DUSP16: variants seen among roughly 807,000 people sequenced by gnomAD.
DUSP16 encodes the protein dual specificity protein phosphatase 16.
A neutral mutation model predicts 58.3 loss-of-function variants in DUSP16; 21 were observed. The ratio of observed to expected loss-of-function variants is 0.36; its 90% CI spans 0.26 to 0.52. The LOEUF (loss-of-function observed/expected upper bound fraction) is 0.52, where lower values mean the gene tolerates loss of function less well. Ranked by LOEUF, DUSP16 falls within the 20% of genes least tolerant of loss-of-function variation. DUSP16 has a pLI of 0.94. For synonymous variants in DUSP16, 320 were observed against 323.8 expected (o/e 0.99, Z 0.12); for missense variants, 726 against 819.0 (o/e 0.89, Z 1.39).
chr12:12,480,454 A>C (rs961693096), intron 5 of DUSP16, 108 bp from the exon 6 acceptor site: 5 of 1,314,606 alleles, frequency 3.8e-6, no homozygotes, highest in Non-Finnish European at 5.2e-6. Flanking sequence ...CCTCTACGCA[A>C]ATCTCATCTG....
chr12:12,477,670 T>G lies in DUSP16; in HGVS notation c.1161A>C (p.Ala387=), dbSNP rs1422031268. ...GCTTATTGCTGTCTTCCAGCCTGTCTGCGGACAGGTGCAGCCCACTGAGCG... is the reference window on the plus strand; with the variant it reads ...GCTTATTGCTGTCTTCCAGCCTGTCGGCGGACAGGTGCAGCCCACTGAGCG... ...VQALSGLHLS[A]DRLEDSNKLK... is the part of the protein sequence containing the mutation. The change falls in exon 7 of 7, where the codon GCA becomes GCC. Residue 387 remains alanine, a synonymous_variant. Transcript: ENST00000298573. This position sits in a 1 kb window ranked among gnomAD's most constrained non-coding sequence, Gnocchi z 4.1. 1 of 1,614,080 alleles carries G rather than the reference T, an allele frequency of 6.2e-7. No homozygotes were observed. The highest frequency in any genetic ancestry group is 1.1e-5 in the South Asian group (1 of 91,078).
At chr12:12,544,676 G>C (rs945474863) in intron 1 of DUSP16, among the ~76,000 whole-genome samples, 1 of 152,138 alleles carries the variant, frequency 6.6e-6, no homozygotes, top group Non-Finnish European at 1.5e-5. Context: ...AGTGTGTAGT[G>C]GTAATTCACT....
At chr12:12,507,343 C>A (rs1944011771) in intron 3 of DUSP16, among the ~76,000 whole-genome samples, 1 of 152,080 alleles carries the variant, frequency 6.6e-6, no homozygotes, top group Non-Finnish European at 1.5e-5. Context: ...TCCACTCATG[C>A]CTTCATTTAA....
At chr12:12,488,285 C>G (rs992710528) in intron 4 of DUSP16, among the ~76,000 whole-genome samples, 1 of 152,198 alleles carries the variant, frequency 6.6e-6, no homozygotes, top group African/African-American at 2.4e-5. Context: ...TGAACTCTTT[C>G]CCACTCATGC....
intron 1 of DUSP16, among the ~76,000 whole-genome samples, chr12:12,525,545 T>C (rs577220576): frequency 6.6e-6 from 1 of 152,084 alleles, no homozygotes; most frequent in East Asian, 2.0e-4. Flanking sequence ...ATTACAGGTG[T>C]GAGCCACTGC....
At chr12:12,544,895 C>T (rs949634423) in intron 1 of DUSP16, among the ~76,000 whole-genome samples, 2 of 152,118 alleles carry the variant, frequency 1.3e-5, no homozygotes, top group Admixed American at 1.3e-4. Flanking sequence ...TCTTTCTTTC[C>T]ACATTGCTGT....
At chr12:12,525,519 C>G (rs186927268) in intron 1 of DUSP16, among the ~76,000 whole-genome samples, 1 of 151,996 alleles carries the variant, frequency 6.6e-6, no homozygotes, top group Non-Finnish European at 1.5e-5. Context: ...CTGCCTTGGC[C>G]TCCCAAAGTG....
At chr12:12,544,081 T>C (rs1944604320) in intron 1 of DUSP16, among the ~76,000 whole-genome samples, 1 of 152,090 alleles carries the variant, frequency 6.6e-6, no homozygotes, top group Non-Finnish European at 1.5e-5. Flanking sequence ...AACACACTCA[T>C]GTAATCACCA....
intron 1 of DUSP16, among the ~76,000 whole-genome samples, chr12:12,551,698 T>C (rs1452353686): frequency 1.3e-5 from 2 of 151,958 alleles, no homozygotes; most frequent in Non-Finnish European, 2.9e-5. Context: ...AACCTTTTTT[T>C]TTTTTTTTTT....
At position 12,521,199 on chromosome 12, in the gene DUSP16, GTA is replaced by G; in HGVS notation, c.-103_-102del. 6.6e-7 allele frequency: 1 copy of G among 1,520,904 alleles called. No individual in the cohort carries two copies. The highest frequency in any genetic ancestry group is 8.8e-7 in the Non-Finnish European group (1 of 1,134,450). 94.2% of individuals were successfully genotyped at this position (1,520,904 alleles called of 1,614,324 possible). ...TCAGCCACTCCATTGTACTAAAAGTGTATGAGGTCAGGCTGGTGGTGACTGGC... is the reference window on the plus strand; with the variant it reads ...TCAGCCACTCCATTGTACTAAAAGTGTGAGGTCAGGCTGGTGGTGACTGGC... On this transcript the variant is annotated 5_prime_UTR_variant, in exon 2 of 7. The change creates a premature stop within an existing upstream ORF in the 5' untranslated region. Transcript: ENST00000298573.
At chr12:12,550,289 A>AT (rs200580667) in intron 1 of DUSP16, among the ~76,000 whole-genome samples, 10,326 of 149,050 alleles carry the variant, frequency 0.069, 469 homozygotes, top group Middle Eastern at 0.11. Flanking sequence ...AAAAAAAAAA[A>AT]TGTGTATCAG....
rs375022019 is a variant in DUSP16 at position 12,520,883 on chromosome 12, T to A, written c.216A>T (p.Ser72=). The change falls in exon 2 of 7, where the codon TCA becomes TCT. Residue 72 remains serine, a synonymous_variant. Transcript: ENST00000298573. ...KVLITELIQH[S]AKHKVDIDCS... ...GGAAAGCGTTTACCTTATGTTTCGC[T>A]GAATGCTGGATGAGCTCTGTAATTA... 71 of 1,614,108 alleles carry A rather than the reference T, an allele frequency of 4.4e-5. 1 individual carries two copies. The highest frequency in any genetic ancestry group is 1.9e-4 in the South Asian group (17 of 91,090).
intron 1 of DUSP16, among the ~76,000 whole-genome samples, chr12:12,558,324 A>C (rs1273064465): frequency 6.6e-6 from 1 of 152,106 alleles, no homozygotes; most frequent in Non-Finnish European, 1.5e-5. Context: ...TTTAAATTTT[A>C]CATTCTCATA....
At chr12:12,522,290 T>TA (rs1430958670) in intron 1 of DUSP16, among the ~76,000 whole-genome samples, 2 of 152,114 alleles carry the variant, frequency 1.3e-5, no homozygotes, top group African/African-American at 4.8e-5. Flanking sequence ...CTCCTAGTCT[T>TA]AAAAAAATCT....
At chr12:12,553,837 T>C (rs749821448) in intron 1 of DUSP16, among the ~76,000 whole-genome samples, 5 of 152,158 alleles carry the variant, frequency 3.3e-5, no homozygotes, top group Admixed American at 1.3e-4. Context: ...GCCTGGCCTC[T>C]TACGATGTGT....
chr12:12,499,477 G>A (rs1296462949), intron 4 of DUSP16, among the ~76,000 whole-genome samples: 5 of 152,134 alleles, frequency 3.3e-5, no homozygotes, highest in Admixed American at 3.3e-4. Flanking sequence ...AAAGGCAGGA[G>A]TTTTAAACAT....
rs778645869 is a variant in DUSP16 at position 12,557,177 on chromosome 12, C to A, written c.-366+4940G>T. 2.6e-5 allele frequency among the ~76,000 whole-genome samples: 4 copies of A among 151,980 alleles called. No homozygotes were observed. The South Asian group carries it at 6.2e-4, about 24-fold the overall frequency. ...AAAAAAAAAATTTAAAGTTTCTGGC[C>A]GGGTGTGGTGGCTCACACCTGTAAT... On this transcript the variant is annotated intron_variant, in intron 1 of 6. Coordinates refer to ENST00000298573, the MANE Select transcript of DUSP16 (RefSeq NM_030640.3).
intron 3 of DUSP16, among the ~76,000 whole-genome samples, chr12:12,505,330 C>T (rs552792413): frequency 1.3e-3 from 193 of 152,342 alleles, no homozygotes; most frequent in Middle Eastern, 0.01. Context: ...ATGGTCCTCT[C>T]CCAAACTGAT....
intron 1 of DUSP16, among the ~76,000 whole-genome samples, chr12:12,539,862 C>G (rs1450670201): frequency 6.6e-6 from 1 of 151,670 alleles, no homozygotes; most frequent in African/African-American, 2.4e-5. Flanking sequence ...ACCAGCCTGA[C>G]CAACATGGTG....
Sources: gnomAD v4.1 joint callset for allele counts (sites outside exome capture counted in the v4.1 genomes callset) on GRCh38, gnomAD v4.1.1 for gene constraint, Gnocchi (gnomAD v3.1) non-coding constraint, MANE v1.5 for transcripts, NCBI Gene and HGNC (gene_info 2026-07-23, HGNC 2026-07-21) for gene names.